DDX46: variants seen among roughly 807,000 people sequenced by gnomAD.
DDX46 encodes DEAD-box helicase 46.
A neutral mutation model predicts 134.9 loss-of-function variants in DDX46; 30 were observed. That is an observed-to-expected ratio of 0.22 (90% CI 0.17 to 0.30). The LOEUF is 0.30. Ranked by LOEUF, DDX46 falls within the 10% of genes least tolerant of loss-of-function variation. DDX46 has a pLI of 1.00. For synonymous variants in DDX46, 415 were observed against 404.1 expected, an observed-to-expected ratio of 1.03 and a Z score of -0.32; for missense variants, 622 against 1,248.7, an observed-to-expected ratio of 0.50 and a Z score of 7.56.
chr5:134,809,938 G>T (rs930303400), intron 16 of DDX46, among the ~76,000 whole-genome samples: 1 of 152,070 alleles, frequency 6.6e-6, no homozygotes, highest in Non-Finnish European at 1.5e-5. Flanking sequence ...GCTTGAACCC[G>T]GGAGGCAGAG....
At chr5:134,782,523 T>G (rs1393717335) in intron 8 of DDX46, among the ~76,000 whole-genome samples, 7 of 152,146 alleles carry the variant, frequency 4.6e-5, no homozygotes, top group African/African-American at 1.2e-4. Flanking sequence ...GTTTTGTTTT[T>G]TTTTTGAGAC....
intron 5 of DDX46, 96 bp downstream of exon 5, chr5:134,773,957 A>G: frequency 8.0e-7 from 1 of 1,250,466 alleles, no homozygotes; most frequent in Non-Finnish European, 1.1e-6. Context: ...TTATTGTTGA[A>G]AACTATGCAT....
chr5:134,823,022 ATTC>A (rs1225267950), intron 21 of DDX46, among the ~76,000 whole-genome samples: 1 of 152,130 alleles, frequency 6.6e-6, no homozygotes, highest in Non-Finnish European at 1.5e-5. Flanking sequence ...AGCTATGAGT[ATTC>A]TTTGTTTCCT....
chr5:134,819,564 T>TA (rs1220038834), intron 21 of DDX46, among the ~76,000 whole-genome samples: 1 of 152,198 alleles, frequency 6.6e-6, no homozygotes, highest in East Asian at 1.9e-4. Context: ...GACAGGGTCT[T>TA]ATTTTGTCTG....
chr5:134,817,087 T>G, intron 19 of DDX46: 1 of 182,364 alleles, frequency 5.5e-6, no homozygotes, highest in Non-Finnish European at 1.1e-5. Flanking sequence ...CTATAACGTT[T>G]GTAATGTTGG....
rs1214828777 is a variant in DDX46, at chr5:134,794,847, C to T, written c.1627-3C>T. 6.2e-7 allele frequency: 1 copy of T among 1,611,960 alleles called. No homozygotes were observed. The highest frequency in any genetic ancestry group is 8.5e-7 in the Non-Finnish European group (1 of 1,179,350). On this transcript the variant is annotated splice_region_variant and splice_polypyrimidine_tract_variant and intron_variant, in intron 13 of 22. Coordinates refer to ENST00000452510, the MANE Select transcript of DDX46 (RefSeq NM_001300860.2). ...TTTATTTGTAATGTTTTCTTTTTCTCAGGTCATGCGCATCGTGGATAATGT... is the reference window on the plus strand; with the variant it reads ...TTTATTTGTAATGTTTTCTTTTTCTTAGGTCATGCGCATCGTGGATAATGT...
chr5:134,786,547 T>C (rs987412793), intron 11 of DDX46, among the ~76,000 whole-genome samples: 11 of 152,112 alleles, frequency 7.2e-5, no homozygotes, highest in Non-Finnish European at 1.3e-4. Flanking sequence ...TGCTGACATC[T>C]TTAAAAAGTG....
At chr5:134,763,445 T>G (rs1035634789) in intron 1 of DDX46, among the ~76,000 whole-genome samples, 2 of 152,344 alleles carry the variant, frequency 1.3e-5, no homozygotes, top group Non-Finnish European at 2.9e-5. Flanking sequence ...TGCTGTTCCT[T>G]AAACTCACCA....
chr5:134,819,153 T>C, intron 21 of DDX46, 149 bp downstream of exon 21: 1 of 818,976 alleles, frequency 1.2e-6, no homozygotes, highest in East Asian at 3.1e-5. Flanking sequence ...TTTGAGGTCT[T>C]TATATATAAG....
intron 1 of DDX46, among the ~76,000 whole-genome samples, chr5:134,761,953 A>G (rs73297384): frequency 0.027 from 4,050 of 152,088 alleles, 98 homozygotes; most frequent in African/African-American, 0.069. Context: ...CAGCAACCAG[A>G]ATAATACTTT....
At chr5:134,823,850 A>G (rs1158190386) in intron 21 of DDX46, among the ~76,000 whole-genome samples, 1 of 152,228 alleles carries the variant, frequency 6.6e-6, no homozygotes, top group Non-Finnish European at 1.5e-5. Flanking sequence ...GGAATGTGGC[A>G]ATAAAACCTT....
At chr5:134,772,447 C>T (rs1304922540) in intron 4 of DDX46, among the ~76,000 whole-genome samples, 3 of 151,662 alleles carry the variant, frequency 2.0e-5, no homozygotes, top group East Asian at 2.0e-4. Flanking sequence ...GCTTGAACCC[C>T]GGACTTGGAG....
chr5:134,815,711 A>T (rs1755270579), intron 18 of DDX46, among the ~76,000 whole-genome samples: 2 of 149,366 alleles, frequency 1.3e-5, no homozygotes, highest in Non-Finnish European at 3.0e-5. Context: ...TGTCTCAAAA[A>T]AAAAAAAAAA....
chr5:134,783,681 G>A (rs1223795591), intron 9 of DDX46, among the ~76,000 whole-genome samples: 1 of 146,876 alleles, frequency 6.8e-6, no homozygotes, highest in Non-Finnish European at 1.5e-5. Context: ...TCCCAAGTAG[G>A]TGGGATTACA....
Position 134,811,677 on chromosome 5 carries a change from C to T in DDX46, c.2287-19C>T, listed in dbSNP as rs750977119. Reference sequence around the variant, plus strand: ...AAAGTTTTTACTATGAGATTAACTTCGTTTTCTTTTTTTGAAAGGAGGGGA... The same window carrying T: ...AAAGTTTTTACTATGAGATTAACTTTGTTTTCTTTTTTTGAAAGGAGGGGA... On this transcript the variant is annotated intron_variant, in intron 17 of 22. Transcript: ENST00000452510. 46 of 1,576,616 alleles carry T rather than the reference C, an allele frequency of 2.9e-5. No individual in the cohort carries two copies. Among genetic ancestry groups the T allele is most frequent in the South Asian group, 5.9e-5 (5 of 84,510 alleles).
At chr5:134,800,435 T>C (rs405527) in intron 15 of DDX46, among the ~76,000 whole-genome samples, 4,796 of 152,270 alleles carry the variant, frequency 0.031, 100 homozygotes, top group Middle Eastern at 0.085. Flanking sequence ...TGCTGAATAA[T>C]ATTCTATTAT....
intron 2 of DDX46, 145 bp downstream of exon 2, chr5:134,764,237 C>A: frequency 1.4e-6 from 1 of 716,676 alleles, no homozygotes; most frequent in East Asian, 2.8e-5. Context: ...TTTGATTAGA[C>A]CCAGAAGGAT....
At chr5:134,795,161 ATAAACT>A (rs1215213332) in intron 14 of DDX46, 147 bp downstream of exon 14, 6 of 902,962 alleles carry the variant, frequency 6.6e-6, no homozygotes, top group African/African-American at 1.7e-5. Flanking sequence ...ATTTTACCAG[ATAAACT>A]TAACTGTGCT....
chr5:134,798,395 G>T (rs925218318), intron 15 of DDX46, among the ~76,000 whole-genome samples: 1 of 152,104 alleles, frequency 6.6e-6, no homozygotes, highest in East Asian at 1.9e-4. Context: ...TAGAGACAGG[G>T]TTACGCCATG....
Sources: gnomAD v4.1 joint callset for allele counts (sites outside exome capture counted in the v4.1 genomes callset) on GRCh38, gnomAD v4.1.1 for gene constraint, MANE v1.5 for transcripts, NCBI Gene and HGNC (gene_info 2026-07-23, HGNC 2026-07-21) for gene names.